NTM: variants seen among roughly 807,000 people sequenced by gnomAD.
The protein encoded by NTM is neurotrimin.
A neutral mutation model predicts 42.1 loss-of-function variants in NTM; 13 were observed. The ratio of observed to expected loss-of-function variants is 0.31; its 90% CI spans 0.20 to 0.49. NTM has a LOEUF of 0.49. Ranked by LOEUF, NTM falls within the 20% of genes least tolerant of loss-of-function variation. The pLI, the probability that NTM is intolerant of heterozygous loss-of-function variation, is 0.99. For synonymous variants in NTM, 187 were observed against 179.2 expected (o/e 1.04, Z -0.35); for missense variants, 373 against 452.8 (o/e 0.82, Z 1.60).
Position 132,146,807 on chromosome 11 carries a change from T to C in NTM, c.400+293T>C, listed in dbSNP as rs112274195. 2.5e-6 allele frequency: 1 copy of C among 394,624 alleles called. No individual in the cohort carries two copies. The highest frequency in any genetic ancestry group is 2.1e-5 in the African/African-American group (1 of 48,520). The allele number at this position is 394,624 out of a possible 1,614,324, so 24.4% of individuals were successfully genotyped here. A position where few individuals can be genotyped will look rare whatever the true frequency, so the allele number is the denominator to read the frequency against. On this transcript the variant is annotated intron_variant, in intron 3 of 8. Transcript: ENST00000683400. The surrounding 1 kb of genome is among the most constrained non-coding windows in gnomAD (Gnocchi z 4.5). Reference sequence around the variant, plus strand: ...TTTTTTCTCCCCTAAGTTTTAGTTATTTTTGTTTGTTTGTTTTTTGTTTTG... The same window carrying C: ...TTTTTTCTCCCCTAAGTTTTAGTTACTTTTGTTTGTTTGTTTTTTGTTTTG...
chr11:131,424,595 C>CTT (rs1446801058), intron 1 of NTM, among the ~76,000 whole-genome samples: 7 of 39,608 alleles, frequency 1.8e-4, no homozygotes, highest in African/African-American at 4.3e-4. Context: ...TATTTCTTTT[C>CTT]TTTTCTTTTT....
At chr11:131,475,119 A>C (rs1952794215) in intron 1 of NTM, among the ~76,000 whole-genome samples, 1 of 152,100 alleles carries the variant, frequency 6.6e-6, no homozygotes, top group African/African-American at 2.4e-5. Context: ...CATTGACTAC[A>C]TCATCTCTGT....
At chr11:132,100,955 G>A (rs2061552265) in intron 2 of NTM, among the ~76,000 whole-genome samples, 1 of 152,222 alleles carries the variant, frequency 6.6e-6, no homozygotes, top group African/African-American at 2.4e-5. Flanking sequence ...TTCAAAGCAG[G>A]TGAAACAATA....
At chr11:131,482,827 A>G (rs1204327672) in intron 1 of NTM, among the ~76,000 whole-genome samples, 1 of 152,210 alleles carries the variant, frequency 6.6e-6, no homozygotes, top group Non-Finnish European at 1.5e-5. Context: ...AAAAGGCAGA[A>G]ACAGAGCAAA....
intron 4 of NTM, among the ~76,000 whole-genome samples, chr11:132,259,593 T>A (rs2092717146): frequency 6.6e-6 from 1 of 151,500 alleles, no homozygotes; most frequent in African/African-American, 2.4e-5. Flanking sequence ...GGCAGGAGAA[T>A]CGTTTGAACC....
intron 1 of NTM, among the ~76,000 whole-genome samples, chr11:131,717,391 T>A (rs2077822264): frequency 6.6e-6 from 1 of 152,288 alleles, no homozygotes; most frequent in South Asian, 2.1e-4. Flanking sequence ...TTTATATAGG[T>A]CTTTAATTTC....
intron 2 of NTM, among the ~76,000 whole-genome samples, chr11:131,973,881 G>T (rs1375898382): frequency 6.6e-6 from 1 of 152,096 alleles, no homozygotes; most frequent in African/African-American, 2.4e-5. Context: ...TGCACAACAT[G>T]GGCTTGGACT....
chr11:131,954,629 C>CT (rs34845794), intron 2 of NTM, among the ~76,000 whole-genome samples: 67,218 of 151,132 alleles, frequency 0.44, 15,456 homozygotes, highest in African/African-American at 0.56. Flanking sequence ...TTATAGAATA[C>CT]TTTTTTTTTA....
intron 3 of NTM, among the ~76,000 whole-genome samples, chr11:132,188,524 T>G (rs1056386369): frequency 2.0e-5 from 3 of 152,178 alleles, no homozygotes; most frequent in African/African-American, 7.2e-5. Flanking sequence ...CGCCGGTCTC[T>G]AAACACTTTA....
intron 1 of NTM, among the ~76,000 whole-genome samples, chr11:131,547,263 A>ATCATTATAT (rs1383765630): frequency 6.6e-6 from 1 of 152,218 alleles, no homozygotes; most frequent in Non-Finnish European, 1.5e-5. Flanking sequence ...AGGATACTTA[A>ATCATTATAT]TCATTATATA....
At chr11:131,889,735 G>C (rs2050972459) in intron 1 of NTM, among the ~76,000 whole-genome samples, 1 of 152,160 alleles carries the variant, frequency 6.6e-6, no homozygotes, top group Non-Finnish European at 1.5e-5. Context: ...AGTGCAAAGA[G>C]AGGCACATCT....
chr11:132,252,569 G>C lies in NTM; in HGVS notation c.526+40422G>C, dbSNP rs368072706. ...TGTTGGACAGAGGCACCTGAGGCCA[G>C]AGATGTAGATGGGTAGATGAATAAG... On this transcript the variant is annotated intron_variant, in intron 4 of 8. Coordinates refer to ENST00000683400, the MANE Select transcript of NTM (RefSeq NM_001352005.2). Among the ~76,000 whole-genome samples, 36 of 152,348 alleles carry C rather than the reference G, an allele frequency of 2.4e-4. No individual in the cohort carries two copies. The East Asian group carries it at 5.2e-3, about 22-fold the overall frequency.
rs1948444209 is a variant in NTM, at chr11:131,429,102, A to G, written c.82+58214A>G. Among the ~76,000 whole-genome samples, 3 of 152,068 alleles carry G rather than the reference A, an allele frequency of 2.0e-5. 1 individual carries two copies. The South Asian group carries it at 6.2e-4, about 32-fold the overall frequency. ...TCCAGACTAGGTGAGTCATAAAAGT[A>G]TATATGGTTCTACCACAGAGCCCTC... On this transcript the variant is annotated intron_variant, in intron 1 of 8. Coordinates refer to ENST00000683400, the MANE Select transcript of NTM (RefSeq NM_001352005.2).
chr11:131,953,800 A>G (rs1394755421), intron 2 of NTM, among the ~76,000 whole-genome samples: 2 of 152,180 alleles, frequency 1.3e-5, no homozygotes, highest in Non-Finnish European at 2.9e-5. Context: ...GAGTTTAAGA[A>G]ATGAAGAGGA....
In NTM at chr11:132,022,770, G is replaced by A. The variant is rs1379563556; in HGVS notation, c.167+111122G>A. ...AACTGCATGGAATCAAGTACAGCAG[G>A]AGGAATCTAAGAAAATGTGCACTGT... On this transcript the variant is annotated intron_variant, in intron 2 of 8. Coordinates refer to ENST00000683400, the MANE Select transcript of NTM (RefSeq NM_001352005.2). Among the ~76,000 whole-genome samples the A allele has an allele frequency of 1.1e-4, 17 of 152,224 alleles. 1 individual carries two copies. The highest frequency in any genetic ancestry group is 1.1e-3 in the Admixed American group (17 of 15,276).
rs1206102953 is a variant in NTM at position 131,940,961 on chromosome 11, A to ACCCCTGCAT, written c.167+29314_167+29322dup. ...CAAATGATAAAATTTATCAAAGTAA[A>ACCCCTGCAT]CCCCTGCATGAAAGGTTTCCTCTTC... On this transcript the variant is annotated intron_variant, in intron 2 of 8. Transcript: ENST00000683400. Among the ~76,000 whole-genome samples, 22 of 152,314 alleles carry ACCCCTGCAT rather than the reference A, an allele frequency of 1.4e-4. No individual in the cohort carries two copies. In the South Asian group the frequency reaches 4.6e-3, roughly 32 times the overall value.
Position 132,116,815 on chromosome 11 carries a change from G to A in NTM, c.168-29467G>A, listed in dbSNP as rs181129682. Among the ~76,000 whole-genome samples the A allele has an allele frequency of 1.4e-4, 21 of 152,246 alleles. No homozygotes were observed. In the East Asian group the frequency reaches 2.9e-3, roughly 21 times the overall value. On this transcript the variant is annotated intron_variant, in intron 2 of 8. Transcript: ENST00000683400. ...CTAACAGATGGCTCAGCCCCTTTCCGTGATGCTATCCTCATTTGCAGACTT... is the reference window on the plus strand; with the variant it reads ...CTAACAGATGGCTCAGCCCCTTTCCATGATGCTATCCTCATTTGCAGACTT...
At chr11:131,537,196 A>AC (rs967017866) in intron 1 of NTM, 5 of 151,910 alleles carry the variant, frequency 3.3e-5, no homozygotes, top group Non-Finnish European at 7.4e-5. Context: ...AAAAAAAAAA[A>AC]AAAAACAATT....
At chr11:132,152,933 G>A (rs192360707) in intron 3 of NTM, among the ~76,000 whole-genome samples, 15 of 152,274 alleles carry the variant, frequency 9.9e-5, no homozygotes, top group East Asian at 5.8e-4. Flanking sequence ...AAAACTTGGC[G>A]TCTTTTGCAG....
Sources: allele counts gnomAD v4.1 joint callset (sites outside exome capture counted in the v4.1 genomes callset), GRCh38; gene constraint gnomAD v4.1.1; non-coding constraint Gnocchi (gnomAD v3.1); transcripts MANE v1.5; gene names NCBI Gene and HGNC (gene_info 2026-07-23, HGNC 2026-07-21).